Variants in NOS2 observed in about 807,000 individuals in gnomAD.
NOS2 encodes the protein nitric oxide synthase, inducible.
NOS2 carries 96 observed loss-of-function variants against 136.0 expected under a neutral mutation model. The observed-to-expected ratio is 0.71, with a 90% CI of 0.60 to 0.84. The LOEUF (loss-of-function observed/expected upper bound fraction) is 0.84. NOS2 is among the 40% of genes least tolerant of loss of function. The pLI is 0.00. For missense variants in NOS2, 1,237 were observed against 1,496.9 expected, an observed-to-expected ratio of 0.83 and a Z score of 2.87; for synonymous variants, 539 against 587.5, an observed-to-expected ratio of 0.92 and a Z score of 1.20.
At chr17:27,760,284 T>A in intron 24 of NOS2, 106 bp from the exon 25 acceptor site, 1 of 1,199,478 alleles carries the variant, frequency 8.3e-7, no homozygotes, top group Non-Finnish European at 1.1e-6. Context: ...TTTAATAGCA[T>A]TATCCCCACT....
rs1326434416 is a variant in NOS2 at position 27,757,319 on chromosome 17, G to A, written c.3389C>T (p.Ala1130Val). The A allele has an allele frequency of 1.9e-6, 3 of 1,613,976 alleles. No individual in the cohort carries two copies. The highest frequency in any genetic ancestry group is 3.3e-5 in the Admixed American group (2 of 59,998). Residue 1130 changes from alanine to valine, a missense_variant, in exon 27 of 27, where the codon GCT becomes GTT. Physicochemically the swap from Ala to Val is moderately conservative, Grantham distance 64. Coordinates refer to ENST00000313735, the MANE Select transcript of NOS2 (RefSeq NM_000625.4). Reference protein sequence around the residue: ...QKRYHEDIFGAVFPYEAKKDR... With the variant: ...QKRYHEDIFGVVFPYEAKKDR... Reference sequence around the variant, plus strand: ...CTTCTTCGCCTCGTAAGGAAATACAGCACCAAAGATATCTTCGTGATAGCG... The same window carrying A: ...CTTCTTCGCCTCGTAAGGAAATACAACACCAAAGATATCTTCGTGATAGCG...
At chr17:27,778,640 G>A (rs1276112602) in intron 11 of NOS2, 50 bp downstream of exon 11, 1 of 1,445,420 alleles carries the variant, frequency 6.9e-7, no homozygotes, top group East Asian at 2.3e-5. Flanking sequence ...CACTGGATCA[G>A]TTAAGCTTCT....
intron 9 of NOS2, among the ~76,000 whole-genome samples, chr17:27,779,594 G>T (rs1257058931): frequency 1.3e-5 from 2 of 152,018 alleles, no homozygotes; most frequent in Non-Finnish European, 2.9e-5. Context: ...TGGACACATA[G>T]GATGCCATTT....
At chr17:27,796,194 T>C (rs1597561781) in intron 2 of NOS2, among the ~76,000 whole-genome samples, 1 of 152,112 alleles carries the variant, frequency 6.6e-6, no homozygotes, top group East Asian at 1.9e-4. Context: ...GGCTCACACC[T>C]GTAATAGCAC....
intron 22 of NOS2, among the ~76,000 whole-genome samples, chr17:27,762,038 C>G (rs1181861846): frequency 6.6e-6 from 1 of 152,104 alleles, no homozygotes; most frequent in Non-Finnish European, 1.5e-5. Context: ...CTTTGCCAAC[C>G]CAGGCAATGC....
In NOS2 at chr17:27,781,136, T is replaced by C; in HGVS notation, c.764A>G (p.His255Arg). ...TVFPQRSDGKHDFRVWNAQLI... is the reference protein window; with the variant it reads ...TVFPQRSDGKRDFRVWNAQLI... ...CTGAGCATTCCACACCCGGAAGTCG[T>C]GCTTGCCATCACTCCGCTGGGGGAA... Residue 255 changes from histidine (H) to arginine (R), a missense_variant, in exon 8 of 27, where the codon CAC (histidine) becomes CGC (arginine). By Grantham distance (29) the His-to-Arg change is conservative (BLOSUM62 0). Coordinates refer to ENST00000313735, the MANE Select transcript of NOS2 (RefSeq NM_000625.4). 6.2e-7 allele frequency: 1 copy of C among 1,612,200 alleles called. No homozygotes were observed. The highest frequency in any genetic ancestry group is 8.5e-7 in the Non-Finnish European group (1 of 1,180,026).
In NOS2 at chr17:27,774,268, A is replaced by G. The variant is rs1415710422; in HGVS notation, c.1465T>C (p.Tyr489His). The change falls in exon 12 of 27, where the codon TAC becomes CAC. Residue 489 changes from tyrosine (Y) to histidine (H), a missense_variant. Transcript: ENST00000313735. ...GGAAGGCCCCTAACCTGATAGTAGT[A>G]GAAAGGGGACAGGACGTAGTTCAGC... ...EMLNYVLSPF[Y>H]YYQVEAWKTH... The G allele has an allele frequency of 6.6e-7, 1 of 1,504,396 alleles. No homozygotes were observed. 93.2% of individuals were successfully genotyped at this position (1,504,396 alleles called of 1,614,324 possible).
chr17:27,791,777 C>CAAAA (rs1567643042), intron 2 of NOS2, among the ~76,000 whole-genome samples: 5 of 110,936 alleles, frequency 4.5e-5, no homozygotes, highest in East Asian at 4.3e-4. Context: ...CAGAAAAAAA[C>CAAAA]AAAACAAAAC....
In NOS2 at chr17:27,760,244, C is replaced by A. The variant is rs1798170008; in HGVS notation, c.3011-66G>T. 6.2e-6 allele frequency: 9 copies of A among 1,462,524 alleles called. No individual in the cohort carries two copies. In the South Asian group the frequency reaches 1.2e-4, roughly 20 times the overall value. 90.6% of individuals were successfully genotyped at this position (1,462,524 alleles called of 1,614,324 possible). On this transcript the variant is annotated intron_variant, in intron 24 of 26. Transcript: ENST00000313735. ...GAGGGCGCCAGGGCTCCAAGCCCAA[C>A]TGGAATTCTCACTTCACTCCCACTA...
chr17:27,767,770 T>C lies in NOS2; in HGVS notation c.2102A>G (p.Asn701Ser), dbSNP rs146852100. The C allele has an allele frequency of 2.9e-4, 464 of 1,613,148 alleles. 2 individuals are homozygous for C. In the African/African-American group the frequency reaches 4.5e-3, roughly 16 times the overall value. The change falls in exon 18 of 27, where the codon AAT becomes AGT. Residue 701 changes from asparagine (N) to serine (S), a missense_variant. Asn to Ser is a conservative substitution (Grantham distance 46). This residue lies in a region of NOS2 where 782 missense variants were observed against 909.9 expected (regional missense o/e 0.86). Transcript: ENST00000313735. ...HIQIPKLYTS[N>S]VTWDPHHYRL... Reference sequence around the variant, plus strand: ...GTAGTGGTGCGGGTCCCAGGTCACATTGGAGGTGTAGAGCTTGGGGATCTG... The same window carrying C: ...GTAGTGGTGCGGGTCCCAGGTCACACTGGAGGTGTAGAGCTTGGGGATCTG...
At chr17:27,773,038 AACAAAAGC>A (rs1908546674) in intron 13 of NOS2, 115 bp downstream of exon 13, 1 of 845,466 alleles carries the variant, frequency 1.2e-6, no homozygotes, top group Non-Finnish European at 2.0e-6. Flanking sequence ...CTGTCTCAAA[AACAAAAGC>A]AAAAAGCATA....
At chr17:27,791,381 C>T (rs1909175146) in intron 2 of NOS2, among the ~76,000 whole-genome samples, 1 of 152,246 alleles carries the variant, frequency 6.6e-6, no homozygotes, top group Admixed American at 6.5e-5. Flanking sequence ...TTAACAAGAA[C>T]CCTCCATCCT....
At chr17:27,781,943 A>T in intron 7 of NOS2, 72 bp downstream of exon 7, 1 of 1,323,772 alleles carries the variant, frequency 7.6e-7, no homozygotes, top group South Asian at 1.2e-5. Context: ...CCTAGACCCA[A>T]GTGCTGCATC....
chr17:27,770,321 A>G (rs941113242), intron 15 of NOS2, among the ~76,000 whole-genome samples: 3 of 152,090 alleles, frequency 2.0e-5, no homozygotes, highest in African/African-American at 7.2e-5. Context: ...CTCTACTTAA[A>G]AAAAAGAATA....
At position 27,788,397 on chromosome 17, in the gene NOS2, C is replaced by T. The variant is rs1169407500; in HGVS notation, c.318+412G>A. Reference sequence around the variant, plus strand: ...AAGAAGCCTGAAAAGACATTTAGTCCAACCACTCACAGGATACTTGAACCC... The same window carrying T: ...AAGAAGCCTGAAAAGACATTTAGTCTAACCACTCACAGGATACTTGAACCC... On this transcript the variant is annotated intron_variant, in intron 4 of 26. Coordinates refer to ENST00000313735, the MANE Select transcript of NOS2 (RefSeq NM_000625.4). 3.3e-5 allele frequency among the ~76,000 whole-genome samples: 5 copies of T among 152,208 alleles called. No individual in the cohort carries two copies. In the East Asian group the frequency reaches 9.7e-4, roughly 29 times the overall value.
intron 15 of NOS2, 24 bp downstream of exon 15, chr17:27,770,889 C>G: frequency 6.3e-7 from 1 of 1,585,998 alleles, no homozygotes; most frequent in Non-Finnish European, 8.7e-7. Flanking sequence ...ACCCCCTAGA[C>G]CAGCCAGACC....
chr17:27,763,123 A>T, intron 21 of NOS2, 118 bp from the exon 22 acceptor site: 1 of 712,116 alleles, frequency 1.4e-6, no homozygotes, highest in South Asian at 1.9e-5. Context: ...TCCATGTGCC[A>T]GGCACTGTCC....
At chr17:27,769,848 C>G (rs1908434550) in intron 15 of NOS2, among the ~76,000 whole-genome samples, 1 of 152,220 alleles carries the variant, frequency 6.6e-6, no homozygotes, top group African/African-American at 2.4e-5. Flanking sequence ...CCCCACCCAT[C>G]CAGCCCTGGC....
At chr17:27,787,529 C>T in intron 5 of NOS2, 149 bp downstream of exon 5, 1 of 644,192 alleles carries the variant, frequency 1.6e-6, no homozygotes, top group Non-Finnish European at 2.6e-6. Context: ...CCCTAGAAAA[C>T]CGTGATTTTC....
Sources: allele counts gnomAD v4.1 joint callset (sites outside exome capture counted in the v4.1 genomes callset), GRCh38; gene constraint gnomAD v4.1.1; regional missense constraint gnomAD v4.1.1; transcripts MANE v1.5; gene names NCBI Gene and HGNC (gene_info 2026-07-23, HGNC 2026-07-21).